NAV2: variants seen among roughly 807,000 people sequenced by gnomAD.
NAV2 encodes the protein helicase, APC down-regulated 1.
In NAV2, 54 loss-of-function variants were observed where a neutral mutation model predicts 223.2. That is an observed-to-expected ratio of 0.24 (90% confidence interval 0.19 to 0.30). NAV2 has a LOEUF of 0.30. Among genes scored for constraint, NAV2 ranks in the 10% least tolerant of loss-of-function variants. The probability of loss-of-function intolerance (pLI) is 1.00; values close to 1 mark genes in which losing one functional copy is unlikely to be tolerated. For synonymous variants in NAV2, 1,279 were observed against 1,239.3 expected (o/e 1.03, Z -0.67); for missense variants, 2,806 against 3,147.5 (o/e 0.89, Z 2.60).
chr11:19,600,557 G>A, intron 1 of NAV2, among the ~76,000 whole-genome samples: 1 of 152,138 alleles, frequency 6.6e-6, no homozygotes, highest in Non-Finnish European at 1.5e-5. Context: ...CAGCATTGTG[G>A]CTAAGAACAT....
intron 1 of NAV2, among the ~76,000 whole-genome samples, chr11:19,532,656 G>T (rs1312607459): frequency 6.6e-6 from 1 of 152,150 alleles, no homozygotes; most frequent in Non-Finnish European, 1.5e-5. Flanking sequence ...GTGGAGCCAG[G>T]CTGCAGACTA....
intron 10 of NAV2, chr11:19,979,040 C>A (rs1389557701): frequency 1.3e-5 from 2 of 152,178 alleles, no homozygotes; most frequent in Non-Finnish European, 2.9e-5. Flanking sequence ...AGTTACCAAC[C>A]TATTCTGTAG....
At chr11:19,550,021 T>A (rs2044638453) in intron 1 of NAV2, among the ~76,000 whole-genome samples, 1 of 152,182 alleles carries the variant, frequency 6.6e-6, no homozygotes, top group Non-Finnish European at 1.5e-5. Flanking sequence ...AGTTTGCGCC[T>A]CAGCCAGGGA....
At chr11:19,636,766 G>T (rs111763521) in intron 1 of NAV2, among the ~76,000 whole-genome samples, 3 of 152,108 alleles carry the variant, frequency 2.0e-5, no homozygotes, top group African/African-American at 7.2e-5. Flanking sequence ...CACCGCACCC[G>T]GCCGAGTTCT....
intron 6 of NAV2, among the ~76,000 whole-genome samples, chr11:19,905,631 G>A (rs745914592): frequency 2.4e-4 from 37 of 152,100 alleles, no homozygotes; most frequent in East Asian, 3.9e-4. Flanking sequence ...CTTCTTAGGG[G>A]GCCAGGATTA....
intron 10 of NAV2, among the ~76,000 whole-genome samples, chr11:19,974,000 C>G (rs764102796): frequency 1.3e-5 from 2 of 152,150 alleles, no homozygotes; most frequent in Non-Finnish European, 2.9e-5. Flanking sequence ...TTTTATCAAG[C>G]CTTGATTTGA....
chr11:19,668,308 C>T (rs535600934), intron 1 of NAV2, among the ~76,000 whole-genome samples: 1 of 152,030 alleles, frequency 6.6e-6, no homozygotes, highest in African/African-American at 2.4e-5. Flanking sequence ...GAGGCCAAGG[C>T]GGGTGGATCA....
chr11:19,459,073 G>A (rs1377765801), intron 1 of NAV2, among the ~76,000 whole-genome samples: 3 of 152,224 alleles, frequency 2.0e-5, no homozygotes, highest in Non-Finnish European at 4.4e-5. Context: ...CCTAGAAAAT[G>A]CTAAAGGCAG....
In NAV2 at chr11:19,939,647, G is replaced by T; in HGVS notation, c.2034-14G>T. 1 of 1,611,204 alleles carries T rather than the reference G, an allele frequency of 6.2e-7. No homozygotes were observed. ...TCTCATGACAAGTGTGTCTGCTTCG[G>T]TTTGTGTGTGAAGGTCTCAGACGGA... is the stretch of plus-strand genomic sequence containing the variant. On this transcript the variant is annotated splice_polypyrimidine_tract_variant and intron_variant, in intron 7 of 37. Coordinates refer to ENST00000349880, the MANE Select transcript of NAV2 (RefSeq NM_145117.5).
intron 10 of NAV2, among the ~76,000 whole-genome samples, chr11:19,961,775 C>G (rs1002426234): frequency 1.3e-5 from 2 of 152,062 alleles, no homozygotes; most frequent in Non-Finnish European, 2.9e-5. Flanking sequence ...TCCTTTAGCC[C>G]TATTGGAGTT....
intron 1 of NAV2, among the ~76,000 whole-genome samples, chr11:19,787,014 A>AT (rs757784276): frequency 6.6e-6 from 1 of 152,106 alleles, no homozygotes; most frequent in Admixed American, 6.5e-5. Context: ...AAGACCCCAT[A>AT]TTTTTTAAAA....
chr11:19,616,882 G>C (rs2046811987), intron 1 of NAV2, among the ~76,000 whole-genome samples: 1 of 152,044 alleles, frequency 6.6e-6, no homozygotes, highest in African/African-American at 2.4e-5. Flanking sequence ...TTTGGTGTCA[G>C]GCAGACCTAA....
rs1272258037 is a variant in NAV2, at chr11:20,056,439, T to C, written c.4831+482T>C. On this transcript the variant is annotated intron_variant, in intron 19 of 37. Coordinates refer to ENST00000349880, the MANE Select transcript of NAV2 (RefSeq NM_145117.5). ...CTTTCTCAAGCACTGGGTTTTTAAGTGTATTGTTTTCAGTTATGCCCTTTT... is the reference window on the plus strand; with the variant it reads ...CTTTCTCAAGCACTGGGTTTTTAAGCGTATTGTTTTCAGTTATGCCCTTTT... 3 of 875,514 alleles carry C rather than the reference T, an allele frequency of 3.4e-6. No homozygotes were observed. The African/African-American group carries it at 5.0e-5, about 15-fold the overall frequency. The allele number at this position is 875,514 out of a possible 1,614,324, so 54.2% of individuals were successfully genotyped here.
rs183991170 is a variant in NAV2, at chr11:19,603,711, G to A, written c.76-228773G>A. Among the ~76,000 whole-genome samples the A allele has an allele frequency of 3.3e-3, 500 of 151,876 alleles. 5 individuals carry two copies. The highest frequency in any genetic ancestry group is 0.012 in the African/African-American group (482 of 41,424). ...ACTGGGCTGCTGCTATATTAGAGCAGCATATCTAAAGCAGGGAGAGAGGAA... is the reference window on the plus strand; with the variant it reads ...ACTGGGCTGCTGCTATATTAGAGCAACATATCTAAAGCAGGGAGAGAGGAA... On this transcript the variant is annotated intron_variant, in intron 1 of 37. Transcript: ENST00000360655.
At chr11:19,970,130 G>A (rs2049105241) in intron 10 of NAV2, among the ~76,000 whole-genome samples, 1 of 152,056 alleles carries the variant, frequency 6.6e-6, no homozygotes, top group Non-Finnish European at 1.5e-5. Flanking sequence ...TAAAACCATG[G>A]AAGGTGAAAC....
Position 19,513,765 on chromosome 11 carries a change from G to A in NAV2, c.75+162738G>A, listed in dbSNP as rs116441025. Among the ~76,000 whole-genome samples the A allele has an allele frequency of 2.2e-3, 332 of 152,298 alleles. 2 individuals are homozygous for A. The highest frequency in any genetic ancestry group is 5.0e-3 in the African/African-American group (208 of 41,558). On this transcript the variant is annotated intron_variant, in intron 1 of 37. Transcript: ENST00000360655. ...GTTAAAATGAGGTTATTGGAGTGGC[G>A]TGAGCCCTTAATCCAATATGACTGG... is the stretch of plus-strand genomic sequence containing the variant.
chr11:19,362,317 T>C (rs1213520426), intron 1 of NAV2, among the ~76,000 whole-genome samples: 1 of 152,224 alleles, frequency 6.6e-6, no homozygotes, highest in East Asian at 1.9e-4. Context: ...AACATTCCAC[T>C]GATCTAATTT....
At chr11:19,467,018 C>CACACACACACACACAG (rs982297137) in intron 1 of NAV2, among the ~76,000 whole-genome samples, 22 of 82,446 alleles carry the variant, frequency 2.7e-4, no homozygotes, top group Non-Finnish European at 5.3e-4. Flanking sequence ...CACACACACA[C>CACACACACACACACAG]AGAGAGAGAG....
chr11:19,908,502 G>A (rs60794723), intron 6 of NAV2, among the ~76,000 whole-genome samples: 6,696 of 152,216 alleles, frequency 0.044, 530 homozygotes, highest in African/African-American at 0.15. Context: ...ACTGTCCAAC[G>A]GTACTTTCTG....
Sources: allele counts gnomAD v4.1 joint callset (sites outside exome capture counted in the v4.1 genomes callset), GRCh38; gene constraint gnomAD v4.1.1; transcripts MANE v1.5; gene names NCBI Gene and HGNC (gene_info 2026-07-23, HGNC 2026-07-21).